Variants in ABCA10 observed in about 807,000 individuals in gnomAD.
The protein encoded by ABCA10 is ATP-binding cassette sub-family A member 10.
In ABCA10, 169 loss-of-function variants were observed where a neutral mutation model predicts 187.5. That is an observed-to-expected ratio of 0.90 (90% confidence interval 0.80 to 1.02). ABCA10 has a LOEUF of 1.02. ABCA10 is among the 50% of genes least tolerant of loss of function. ABCA10 has a pLI of 0.00. For synonymous variants in ABCA10, 574 were observed against 601.8 expected, an observed-to-expected ratio of 0.95 and a Z score of 0.68; for missense variants, 1,727 against 1,812.4, an observed-to-expected ratio of 0.95 and a Z score of 0.86.
intron 15 of ABCA10, 28 bp from the exon 16 acceptor site, chr17:69,192,681 T>C: frequency 6.4e-7 from 1 of 1,560,592 alleles, no homozygotes; most frequent in Non-Finnish European, 8.8e-7. Flanking sequence ...TTCAAAAAAT[T>C]ATGTGAAGAG....
intron 27 of ABCA10, among the ~76,000 whole-genome samples, chr17:69,157,144 T>A (rs2074180655): frequency 6.6e-6 from 1 of 152,146 alleles, no homozygotes; most frequent in Non-Finnish European, 1.5e-5. Context: ...AAGCCCACAT[T>A]AATTTTTTTA....
chr17:69,238,681 C>A (rs1403325356), intron 1 of ABCA10, among the ~76,000 whole-genome samples: 1 of 152,134 alleles, frequency 6.6e-6, no homozygotes, highest in Non-Finnish European at 1.5e-5. Context: ...ATATAATTAC[C>A]TGAGTTAAAG....
chr17:69,237,728 AGAC>A (rs993803997), intron 1 of ABCA10, among the ~76,000 whole-genome samples: 4 of 152,206 alleles, frequency 2.6e-5, no homozygotes, highest in African/African-American at 9.6e-5. Context: ...AGATGTAAAA[AGAC>A]AAGGTAATAT....
chr17:69,206,772 T>C (rs2074594928), intron 9 of ABCA10, among the ~76,000 whole-genome samples: 2 of 152,134 alleles, frequency 1.3e-5, no homozygotes, highest in Non-Finnish European at 2.9e-5. Flanking sequence ...CAACTCAAAA[T>C]GGAGTAAAGA....
intron 6 of ABCA10, among the ~76,000 whole-genome samples, chr17:69,216,666 G>T (rs964520715): frequency 1.3e-5 from 2 of 151,986 alleles, no homozygotes; most frequent in African/African-American, 4.8e-5. Context: ...TATAGCTGTA[G>T]AACAAATTTT....
At chr17:69,180,670 G>C (rs1598099850) in intron 22 of ABCA10, among the ~76,000 whole-genome samples, 1 of 152,072 alleles carries the variant, frequency 6.6e-6, no homozygotes, top group Admixed American at 6.6e-5. Context: ...TTTTTGCTCT[G>C]AACTGGTAGC....
At chr17:69,172,318 A>G (rs1011192253) in intron 25 of ABCA10, among the ~76,000 whole-genome samples, 4 of 152,198 alleles carry the variant, frequency 2.6e-5, no homozygotes, top group Non-Finnish European at 5.9e-5. Flanking sequence ...GACTATATTT[A>G]GAAATAGTCT....
intron 36 of ABCA10, among the ~76,000 whole-genome samples, chr17:69,151,002 C>T (rs1253174349): frequency 6.6e-6 from 1 of 152,130 alleles, no homozygotes; most frequent in Non-Finnish European, 1.5e-5. Context: ...CTCTTGTTGG[C>T]CTCAACATTC....
chr17:69,162,769 T>C (rs2144764186), intron 27 of ABCA10, among the ~76,000 whole-genome samples: 2 of 143,112 alleles, frequency 1.4e-5, no homozygotes, highest in East Asian at 4.1e-4. Flanking sequence ...CTTACAAAAG[T>C]GTCCTCACTT....
intron 37 of ABCA10, 117 bp from the exon 38 acceptor site, chr17:69,149,205 T>A: frequency 9.3e-7 from 1 of 1,070,992 alleles, no homozygotes; most frequent in Non-Finnish European, 1.4e-6. Context: ...ATAGGCCAAA[T>A]AATTACATTT....
At position 69,159,376 on chromosome 17, in the gene ABCA10, A is replaced by T. The variant is rs549392657; in HGVS notation, c.3364-2453T>A. On this transcript the variant is annotated intron_variant, in intron 27 of 38. Coordinates refer to ENST00000690296, the MANE Select transcript of ABCA10 (RefSeq NM_001377321.1). ...ATAGGGGAGAGAGAAAGAACAGAAAATTTTTTTTAAGAAATGATGGCCCAA... is the reference window on the plus strand; with the variant it reads ...ATAGGGGAGAGAGAAAGAACAGAAATTTTTTTTTAAGAAATGATGGCCCAA... Among the ~76,000 whole-genome samples, 21 of 151,964 alleles carry T rather than the reference A, an allele frequency of 1.4e-4. No homozygotes were observed. The East Asian group carries it at 1.5e-3, about 11-fold the overall frequency.
intron 27 of ABCA10, among the ~76,000 whole-genome samples, chr17:69,159,673 T>C (rs1022712239): frequency 1.3e-5 from 2 of 152,122 alleles, no homozygotes; most frequent in Non-Finnish European, 2.9e-5. Context: ...AAAAATTGTA[T>C]ATCCAGTAAA....
intron 1 of ABCA10, among the ~76,000 whole-genome samples, chr17:69,241,600 A>C (rs962206041): frequency 6.6e-6 from 1 of 152,162 alleles, no homozygotes; most frequent in African/African-American, 2.4e-5. Flanking sequence ...TATGCCACTC[A>C]CACCTTGCCT....
intron 9 of ABCA10, among the ~76,000 whole-genome samples, chr17:69,214,125 C>G (rs1425920193): frequency 1.3e-5 from 2 of 152,178 alleles, no homozygotes; most frequent in Non-Finnish European, 2.9e-5. Flanking sequence ...CTCCCTCTCT[C>G]AAACTAAAAC....
chr17:69,184,869 G>A (rs201681578), intron 20 of ABCA10, among the ~76,000 whole-genome samples: 60,976 of 137,232 alleles, frequency 0.44, 14,159 homozygotes, highest in Non-Finnish European at 0.53. Flanking sequence ...GTGTGTGTGT[G>A]TGTATATATA....
Position 69,153,919 on chromosome 17 carries a change from A to G in ABCA10, c.3877T>C (p.Trp1293Arg). 2 of 1,614,092 alleles carry G rather than the reference A, an allele frequency of 1.2e-6. No individual in the cohort carries two copies. Among genetic ancestry groups the G allele is most frequent in the Non-Finnish European group, 1.7e-6 (2 of 1,179,986 alleles). ...TGCTCTTTCATTGTAAGCTTGGGCC[A>G]CAGTGAGTTCTCCTGAGGGCAGTAC... ...LGYCPQENSL[W>R]PKLTMKEHLE... is the part of the protein sequence containing the mutation. The change falls in exon 32 of 39, where the codon TGG (tryptophan) becomes CGG (arginine). Residue 1293 changes from tryptophan (W) to arginine (R), a missense_variant. By Grantham distance (101) the Trp-to-Arg change is moderately radical. Transcript: ENST00000690296.
chr17:69,174,376 A>G lies in ABCA10; in HGVS notation c.3067T>C (p.Cys1023Arg), dbSNP rs2074317976. 6.3e-7 allele frequency: 1 copy of G among 1,597,558 alleles called. No homozygotes were observed. Reference protein sequence around the residue: ...MFVLVVCIIGCAVSLIFLTYV... With the variant: ...MFVLVVCIIGRAVSLIFLTYV... ...GTGAGGAATATAAGAGAAACTGCACAACCAATTATGCATACCACCTGCAAA... is the reference window on the plus strand; with the variant it reads ...GTGAGGAATATAAGAGAAACTGCACGACCAATTATGCATACCACCTGCAAA... The change falls in exon 25 of 39, where the codon TGT becomes CGT. Residue 1023 changes from cysteine to arginine, a missense_variant. Coordinates refer to ENST00000690296, the MANE Select transcript of ABCA10 (RefSeq NM_001377321.1).
In ABCA10 at chr17:69,174,669, G is replaced by A; in HGVS notation, c.2986C>T (p.His996Tyr). Residue 996 changes from histidine to tyrosine, a missense_variant, in exon 24 of 39, where the codon CAT (histidine) becomes TAT (tyrosine). Transcript: ENST00000690296. ...AGAAATATGAAGTAGTAAATTAAAT[G>A]TATTGAAAAGAGAATCAAGAAGTAT... ...PLYFLILFSI[H>Y]LIYYFIFLGF... 6.2e-7 allele frequency: 1 copy of A among 1,611,766 alleles called. No individual in the cohort carries two copies. The highest frequency in any genetic ancestry group is 8.5e-7 in the Non-Finnish European group (1 of 1,178,536).
chr17:69,189,722 T>G (rs192039486), intron 18 of ABCA10, among the ~76,000 whole-genome samples: 1 of 152,310 alleles, frequency 6.6e-6, no homozygotes, highest in Admixed American at 6.5e-5. Context: ...AGGGCTCTAG[T>G]TTCAATCTTC....
Sources: allele counts gnomAD v4.1 joint callset (sites outside exome capture counted in the v4.1 genomes callset), GRCh38; gene constraint gnomAD v4.1.1; transcripts MANE v1.5; gene names NCBI Gene and HGNC (gene_info 2026-07-23, HGNC 2026-07-21).